ELMO1: variants seen among roughly 807,000 people sequenced by gnomAD.
ELMO1 encodes the protein engulfment and cell motility protein 1.
In ELMO1, 26 loss-of-function variants were observed where a neutral mutation model predicts 98.9. That is an observed-to-expected ratio of 0.26 (90% CI 0.19 to 0.36). The LOEUF is 0.36. ELMO1 is among the 10% of genes least tolerant of loss of function. The pLI is 1.00. For missense variants in ELMO1, 627 were observed against 935.2 expected (o/e 0.67, Z 4.30); for synonymous variants, 346 against 346.0 (o/e 1.00, Z 0.00).
chr7:37,008,320 T>C (rs1793292024), intron 16 of ELMO1, among the ~76,000 whole-genome samples: 1 of 152,254 alleles, frequency 6.6e-6, no homozygotes, highest in South Asian at 2.1e-4. Context: ...GTTTTTTAGG[T>C]TGCTACCGTG....
At chr7:36,875,349 A>C (rs546340726) in intron 19 of ELMO1, among the ~76,000 whole-genome samples, 9 of 152,194 alleles carry the variant, frequency 5.9e-5, no homozygotes, top group Non-Finnish European at 1.0e-4. Flanking sequence ...TATGTGCAGA[A>C]GGATACAGTC....
At chr7:37,068,342 A>T (rs189472745) in intron 15 of ELMO1, among the ~76,000 whole-genome samples, 95 of 152,278 alleles carry the variant, frequency 6.2e-4, no homozygotes, top group African/African-American at 2.3e-3. Flanking sequence ...AACCACCTGT[A>T]CCCTTTGGCA....
intron 15 of ELMO1, among the ~76,000 whole-genome samples, chr7:37,017,436 A>C (rs73342285): frequency 2.6e-5 from 4 of 152,228 alleles, no homozygotes; most frequent in Admixed American, 2.6e-4. Flanking sequence ...CAGCTAAAAA[A>C]GTACAATTTG....
rs74849887 is a variant in ELMO1, at chr7:37,399,475, T to C, written c.-74+49200A>G. On this transcript the variant is annotated intron_variant, in intron 1 of 21. Transcript: ENST00000310758. The stretch of plus-strand genomic sequence containing the variant: ...TTGCACCAGGCACATGTTATTCCTC[T>C]ACCTCAGCCCAACACGAGCCCAGCA... Among the ~76,000 whole-genome samples the C allele has an allele frequency of 1.4e-3, 207 of 152,292 alleles. 1 individual carries two copies. Among genetic ancestry groups the C allele is most frequent in the Non-Finnish European group, 2.6e-3 (174 of 68,014 alleles).
intron 15 of ELMO1, among the ~76,000 whole-genome samples, chr7:37,055,192 C>A (rs1245901364): frequency 6.6e-6 from 1 of 152,146 alleles, no homozygotes; most frequent in East Asian, 1.9e-4. Context: ...ACAGAAATGA[C>A]AACAAGAAAC....
chr7:37,048,980 G>A (rs999844702), intron 15 of ELMO1, among the ~76,000 whole-genome samples: 2 of 152,150 alleles, frequency 1.3e-5, no homozygotes, highest in Admixed American at 6.5e-5. Flanking sequence ...GGGAAGTGAC[G>A]TGGTGAGGGA....
At chr7:36,985,842 C>T in intron 16 of ELMO1, 10 of 940,422 alleles carry the variant, frequency 1.1e-5, no homozygotes, top group Non-Finnish European at 1.3e-5. Context: ...TCAGTTTTCT[C>T]GGCAGACAAT....
intron 15 of ELMO1, among the ~76,000 whole-genome samples, chr7:37,072,988 A>T (rs888064281): frequency 6.6e-6 from 1 of 152,222 alleles, no homozygotes; most frequent in African/African-American, 2.4e-5. Context: ...AGAAACATCA[A>T]AGGAAACTTT....
intron 14 of ELMO1, among the ~76,000 whole-genome samples, chr7:37,128,499 T>C (rs2129295078): frequency 6.6e-6 from 1 of 152,200 alleles, no homozygotes. Flanking sequence ...CACAGTAGGA[T>C]ACTCAGATTT....
chr7:37,156,348 A>C (rs1001847782), intron 13 of ELMO1, among the ~76,000 whole-genome samples: 5 of 152,116 alleles, frequency 3.3e-5, no homozygotes, highest in African/African-American at 1.2e-4. Flanking sequence ...ACAGAGATAC[A>C]AAAAAACCCT....
intron 13 of ELMO1, among the ~76,000 whole-genome samples, chr7:37,167,445 A>T (rs1411921265): frequency 6.6e-6 from 1 of 151,706 alleles, no homozygotes; most frequent in Non-Finnish European, 1.5e-5. Context: ...AATGGTCTTT[A>T]CATTTTGGCA....
At chr7:37,420,867 G>A (rs1189865982) in intron 1 of ELMO1, among the ~76,000 whole-genome samples, 1 of 152,090 alleles carries the variant, frequency 6.6e-6, no homozygotes, top group African/African-American at 2.4e-5. Context: ...GGCTCTCTTC[G>A]GATGCCTGTA....
At chr7:36,991,666 T>G (rs1217708760) in intron 16 of ELMO1, among the ~76,000 whole-genome samples, 1 of 152,204 alleles carries the variant, frequency 6.6e-6, no homozygotes, top group East Asian at 1.9e-4. Flanking sequence ...TTCCTCATTT[T>G]CATGGAGAGA....
At chr7:37,014,267 A>G (rs1208922748) in intron 15 of ELMO1, among the ~76,000 whole-genome samples, 3 of 152,056 alleles carry the variant, frequency 2.0e-5, no homozygotes. Context: ...TGATCTTTAC[A>G]GTTCCTCTTA....
chr7:37,165,020 G>A (rs1789550552), intron 13 of ELMO1, among the ~76,000 whole-genome samples: 1 of 151,876 alleles, frequency 6.6e-6, no homozygotes, highest in South Asian at 2.1e-4. Context: ...ATTGAGCAGT[G>A]CTTTGTAGTT....
intron 1 of ELMO1, among the ~76,000 whole-genome samples, chr7:37,381,440 A>C (rs1005475299): frequency 2.0e-5 from 3 of 152,214 alleles, no homozygotes; most frequent in Non-Finnish European, 4.4e-5. Flanking sequence ...AAGTGGACTT[A>C]ATTCTGTACG....
At chr7:37,141,801 T>C (rs1456943595) in intron 13 of ELMO1, among the ~76,000 whole-genome samples, 2 of 57,220 alleles carry the variant, frequency 3.5e-5, no homozygotes, top group African/African-American at 8.5e-5. Context: ...TCTGTTCACT[T>C]GTTTGAGGAT....
intron 10 of ELMO1, among the ~76,000 whole-genome samples, chr7:37,219,894 C>A (rs56179249): frequency 0.072 from 10,973 of 152,302 alleles, 555 homozygotes; most frequent in Non-Finnish European, 0.11. Context: ...TCATTGATGG[C>A]TGACTTTGGT....
At chr7:37,036,906 T>G (rs1272720624) in intron 15 of ELMO1, among the ~76,000 whole-genome samples, 1 of 152,092 alleles carries the variant, frequency 6.6e-6, no homozygotes, top group Non-Finnish European at 1.5e-5. Flanking sequence ...TCAGCAAATT[T>G]TATGTGGAAG....
Sources: allele counts gnomAD v4.1 joint callset (sites outside exome capture counted in the v4.1 genomes callset), GRCh38; gene constraint gnomAD v4.1.1; transcripts MANE v1.5; gene names NCBI Gene and HGNC (gene_info 2026-07-23, HGNC 2026-07-21).